The following TCF12 variants were observed in gnomAD, a reference collection of about 807,000 sequenced individuals.
TCF12 encodes DNA-binding protein HTF4.
A neutral mutation model predicts 86.0 loss-of-function variants in TCF12; 45 were observed. The ratio of observed to expected loss-of-function variants is 0.52; its 90% CI spans 0.41 to 0.67. The LOEUF (loss-of-function observed/expected upper bound fraction) is 0.67. Among genes scored for constraint, TCF12 ranks in the 30% least tolerant of loss-of-function variants. TCF12 has a pLI of 0.00. For synonymous variants in TCF12, 330 were observed against 299.6 expected, an observed-to-expected ratio of 1.10 and a Z score of -1.05; for missense variants, 881 against 859.9, an observed-to-expected ratio of 1.02 and a Z score of -0.31.
chr15:57,222,612 G>A (rs1476843129), intron 8 of TCF12, among the ~76,000 whole-genome samples: 3 of 151,786 alleles, frequency 2.0e-5, no homozygotes, highest in African/African-American at 7.2e-5. Flanking sequence ...AGAACAGTGG[G>A]TTTCTGAGGT....
intron 8 of TCF12, among the ~76,000 whole-genome samples, chr15:57,207,906 T>C (rs2057910528): frequency 6.6e-6 from 1 of 152,110 alleles, no homozygotes; most frequent in African/African-American, 2.4e-5. Context: ...AGATTCCCAG[T>C]CAGGAGAATA....
chr15:57,176,932 G>T lies in TCF12; in HGVS notation c.390+10466G>T, dbSNP rs2055956056. ...GCTAACAATCTAGTCCTCCTTTGGG[G>T]AGTAGATTGGTGATTTAGGGAATTG... On this transcript the variant is annotated intron_variant, in intron 6 of 20. Transcript: ENST00000333725. 3.9e-5 allele frequency among the ~76,000 whole-genome samples: 6 copies of T among 152,286 alleles called. No homozygotes were observed. In the South Asian group the frequency reaches 1.2e-3, roughly 32 times the overall value.
At chr15:57,144,790 T>C (rs940781691) in intron 5 of TCF12, among the ~76,000 whole-genome samples, 18 of 152,016 alleles carry the variant, frequency 1.2e-4, no homozygotes, top group African/African-American at 3.9e-4. Flanking sequence ...TTTGTAGAGA[T>C]AGGGTTTTGC....
intron 5 of TCF12, among the ~76,000 whole-genome samples, chr15:57,130,939 A>C (rs1388694815): frequency 1.3e-5 from 2 of 152,192 alleles, no homozygotes; most frequent in Non-Finnish European, 2.9e-5. Flanking sequence ...TTGGGATTTA[A>C]ACTAAATTTT....
chr15:57,046,811 C>T (rs2067261198), intron 3 of TCF12, among the ~76,000 whole-genome samples: 1 of 152,188 alleles, frequency 6.6e-6, no homozygotes, highest in South Asian at 2.1e-4. Context: ...TCTCAAGTTT[C>T]CTTCACACTA....
intron 3 of TCF12, among the ~76,000 whole-genome samples, chr15:56,993,464 G>A (rs1194874322): frequency 6.6e-6 from 1 of 152,150 alleles, no homozygotes; most frequent in African/African-American, 2.4e-5. Flanking sequence ...GACCCAAGAA[G>A]AGTACCAAAG....
intron 3 of TCF12, among the ~76,000 whole-genome samples, chr15:57,040,347 G>GT (rs1255490899): frequency 2.6e-5 from 4 of 152,148 alleles, no homozygotes; most frequent in Non-Finnish European, 5.9e-5. Flanking sequence ...ATTATATTTG[G>GT]TAAAAAGTAA....
rs1190069717 is a variant in TCF12 at position 57,023,623 on chromosome 15, C to T, written c.149-40127C>T. On this transcript the variant is annotated intron_variant, in intron 3 of 20. Coordinates refer to ENST00000333725, the MANE Select transcript of TCF12 (RefSeq NM_207037.2). ...ATAAAGAAGTTTTTTTTATGAAAAC[C>T]GAGGGAATGTTTGGAAAGACTCAAA... 7.3e-5 allele frequency among the ~76,000 whole-genome samples: 11 copies of T among 151,566 alleles called. No individual in the cohort carries two copies. In the South Asian group the frequency reaches 1.7e-3, roughly 23 times the overall value.
intron 5 of TCF12, among the ~76,000 whole-genome samples, chr15:57,136,181 A>G (rs2052505789): frequency 6.6e-6 from 1 of 152,242 alleles, no homozygotes; most frequent in Non-Finnish European, 1.5e-5. Context: ...CACAGTAGAT[A>G]AAGACAGCTA....
chr15:57,105,407 T>TGTG (rs1280008313), intron 5 of TCF12, among the ~76,000 whole-genome samples: 2 of 152,118 alleles, frequency 1.3e-5, no homozygotes, highest in African/African-American at 2.4e-5. Context: ...AAGTTCTTTT[T>TGTG]GTGGTGGTGG....
chr15:57,177,401 C>T (rs1198440187), intron 6 of TCF12, among the ~76,000 whole-genome samples: 10 of 151,432 alleles, frequency 6.6e-5, no homozygotes, highest in African/African-American at 2.4e-4. Flanking sequence ...TCCTGAGTAG[C>T]TCGGATTACA....
At chr15:57,138,080 C>G (rs1348671608) in intron 5 of TCF12, among the ~76,000 whole-genome samples, 2 of 152,060 alleles carry the variant, frequency 1.3e-5, no homozygotes, top group Admixed American at 6.6e-5. Flanking sequence ...TTGTTCTTCT[C>G]TTTTCAGTGG....
chr15:56,984,119 C>G (rs560296870), intron 3 of TCF12, among the ~76,000 whole-genome samples: 3 of 101,578 alleles, frequency 3.0e-5, no homozygotes, highest in East Asian at 6.0e-4. Flanking sequence ...ATACGTTGTT[C>G]TTCTGTTTTC....
At chr15:56,955,697 T>C (rs935816735) in intron 3 of TCF12, among the ~76,000 whole-genome samples, 56 of 152,314 alleles carry the variant, frequency 3.7e-4, no homozygotes, top group African/African-American at 1.2e-3. Context: ...AACTTGAAAA[T>C]GTGTGTGTCT....
intron 3 of TCF12, among the ~76,000 whole-genome samples, chr15:56,928,090 G>A (rs1043194376): frequency 1.1e-4 from 17 of 152,110 alleles, no homozygotes; most frequent in Admixed American, 2.6e-4. Flanking sequence ...AAAGAATTGG[G>A]CTCAGGAGCC....
chr15:57,281,502 A>T (rs1364498873), intron 19 of TCF12: 2 of 152,206 alleles, frequency 1.3e-5, no homozygotes, highest in Admixed American at 6.5e-5. Flanking sequence ...TTACGAACGA[A>T]CGGGCTGGCT....
intron 3 of TCF12, among the ~76,000 whole-genome samples, chr15:56,993,874 T>C (rs1169061713): frequency 6.6e-6 from 1 of 152,146 alleles, no homozygotes; most frequent in African/African-American, 2.4e-5. Flanking sequence ...AGCTAACATA[T>C]GAAGAACAAG....
At chr15:57,110,408 G>C (rs1331832564) in intron 5 of TCF12, among the ~76,000 whole-genome samples, 1 of 152,128 alleles carries the variant, frequency 6.6e-6, no homozygotes, top group Non-Finnish European at 1.5e-5. Context: ...TTTTTGGCTT[G>C]TGTTAATAGG....
Position 57,233,150 on chromosome 15 carries a change from A to G in TCF12, c.970+294A>G, listed in dbSNP as rs10152860. ...TATGTATATATGTATATATATGTGT[A>G]TATATGTGTGTGTATATATATGTAT... is the stretch of plus-strand genomic sequence containing the variant. On this transcript the variant is annotated intron_variant, in intron 11 of 20. Coordinates refer to ENST00000333725, the MANE Select transcript of TCF12 (RefSeq NM_207037.2). 6.0e-3 allele frequency among the ~76,000 whole-genome samples: 907 copies of G among 150,742 alleles called. 10 individuals are homozygous for G. Among genetic ancestry groups the G allele is most frequent in the African/African-American group, 0.021 (852 of 41,202 alleles).
Sources: allele counts gnomAD v4.1 joint callset (sites outside exome capture counted in the v4.1 genomes callset), GRCh38; gene constraint gnomAD v4.1.1; transcripts MANE v1.5; gene names NCBI Gene and HGNC (gene_info 2026-07-23, HGNC 2026-07-21).